SYT16: variants seen among roughly 807,000 people sequenced by gnomAD.
The protein encoded by SYT16 is synaptotagmin 16.
SYT16 carries 42 observed loss-of-function variants against 61.4 expected under a neutral mutation model. The observed-to-expected ratio is 0.68, with a 90% CI of 0.53 to 0.89. SYT16 has a LOEUF of 0.89. Ranked by LOEUF, SYT16 falls within the 40% of genes least tolerant of loss-of-function variation. The pLI, the probability that SYT16 is intolerant of heterozygous loss-of-function variation, is 0.00. For synonymous variants in SYT16, 314 were observed against 302.3 expected (o/e 1.04, Z -0.40); for missense variants, 804 against 807.3 (o/e 1.00, Z 0.05).
intron 1 of SYT16, among the ~76,000 whole-genome samples, chr14:61,949,582 G>T (rs1168809446): frequency 6.6e-6 from 1 of 152,134 alleles, no homozygotes; most frequent in Non-Finnish European, 1.5e-5. Context: ...TCAGCTTCCT[G>T]AGTAGCTGAG....
chr14:61,955,124 T>C (rs999951096), intron 1 of SYT16, among the ~76,000 whole-genome samples: 31 of 152,218 alleles, frequency 2.0e-4, no homozygotes, highest in African/African-American at 7.2e-4. Context: ...TATTGAGGTG[T>C]GATTAACATA....
intron 3 of SYT16, among the ~76,000 whole-genome samples, chr14:62,051,363 A>T (rs1181820948): frequency 1.3e-5 from 2 of 152,212 alleles, no homozygotes; most frequent in African/African-American, 4.8e-5. Flanking sequence ...TCCAGGTGCC[A>T]TCTGTCACCC....
At chr14:62,056,062 T>A (rs1483768285) in intron 3 of SYT16, among the ~76,000 whole-genome samples, 1 of 151,800 alleles carries the variant, frequency 6.6e-6, no homozygotes, top group African/African-American at 2.4e-5. Flanking sequence ...CCTGCTTTTT[T>A]TTTTTTTGCT....
intron 1 of SYT16, among the ~76,000 whole-genome samples, chr14:61,894,619 A>T (rs148474818): frequency 1.3e-5 from 2 of 152,224 alleles, no homozygotes; most frequent in African/African-American, 4.8e-5. Flanking sequence ...GGGCACCCTC[A>T]TTTCAGATTG....
intron 1 of SYT16, among the ~76,000 whole-genome samples, chr14:61,870,232 C>G (rs1215087496): frequency 5.9e-5 from 9 of 152,092 alleles, no homozygotes; most frequent in Non-Finnish European, 8.8e-5. Flanking sequence ...GATATTTTTG[C>G]TAGATATAGA....
chr14:61,864,518 G>A (rs2047071111), intron 1 of SYT16, among the ~76,000 whole-genome samples: 1 of 152,264 alleles, frequency 6.6e-6, no homozygotes, highest in African/African-American at 2.4e-5. Flanking sequence ...TTGGCCTTGT[G>A]GATTATGATG....
In SYT16 at chr14:62,078,155, C is replaced by CTATATATATATA. The variant is rs374965535; in HGVS notation, c.994-2674_994-2663dup. On this transcript the variant is annotated intron_variant, in intron 5 of 7. Coordinates refer to ENST00000683842, the MANE Select transcript of SYT16 (RefSeq NM_001367656.1). ...GCTCTCTCGCTCTCTCTCTCTCTCT[C>CTATATATATATA]TATATATATATATATAAACACACAC... Among the ~76,000 whole-genome samples, 527 of 135,934 alleles carry CTATATATATATA rather than the reference C, an allele frequency of 3.9e-3. 6 individuals are homozygous for CTATATATATATA. Among genetic ancestry groups the CTATATATATATA allele is most frequent in the African/African-American group, 0.014 (480 of 34,762 alleles). 89.2% of individuals were successfully genotyped at this position (135,934 alleles called of 152,430 possible).
intron 1 of SYT16, among the ~76,000 whole-genome samples, chr14:61,849,502 T>C (rs2046546159): frequency 6.6e-6 from 1 of 152,186 alleles, no homozygotes; most frequent in Non-Finnish European, 1.5e-5. Flanking sequence ...TCTGACTGCT[T>C]GGATGGGTGA....
chr14:62,100,168 TG>T (rs2057385003), intron 7 of SYT16, among the ~76,000 whole-genome samples: 1 of 152,216 alleles, frequency 6.6e-6, no homozygotes, highest in Non-Finnish European at 1.5e-5. Flanking sequence ...CAATGTGTGC[TG>T]GATAGTGAGC....
intron 3 of SYT16, among the ~76,000 whole-genome samples, chr14:61,997,326 T>C (rs1195561127): frequency 6.6e-6 from 1 of 151,906 alleles, no homozygotes; most frequent in Non-Finnish European, 1.5e-5. Flanking sequence ...TGGTGTGTAG[T>C]TGTAATGCAC....
chr14:61,984,159 C>G (rs953629050), intron 2 of SYT16, among the ~76,000 whole-genome samples: 2 of 152,134 alleles, frequency 1.3e-5, no homozygotes, highest in Non-Finnish European at 2.9e-5. Context: ...CAAATGCCTC[C>G]ACCCCTTCTG....
chr14:61,909,639 C>T (rs964659195), intron 1 of SYT16, among the ~76,000 whole-genome samples: 2 of 152,054 alleles, frequency 1.3e-5, no homozygotes, highest in Admixed American at 6.5e-5. Context: ...ACCCCTTTTT[C>T]CCAAGTAAGC....
At chr14:61,921,141 CT>C (rs2049320165) in intron 1 of SYT16, among the ~76,000 whole-genome samples, 1 of 152,218 alleles carries the variant, frequency 6.6e-6, no homozygotes, top group African/African-American at 2.4e-5. Flanking sequence ...ACTTCTTCAT[CT>C]TTGTTCCCTC....
intron 3 of SYT16, among the ~76,000 whole-genome samples, chr14:62,056,858 C>T (rs1482782977): frequency 3.3e-5 from 5 of 152,312 alleles, no homozygotes; most frequent in South Asian, 2.1e-4. Context: ...TAGGTTCTGA[C>T]GGCGTCGGAG....
chr14:61,978,028 A>C (rs897704818), intron 2 of SYT16, among the ~76,000 whole-genome samples: 6 of 151,902 alleles, frequency 3.9e-5, no homozygotes, highest in Non-Finnish European at 8.8e-5. Flanking sequence ...TATCATTCCA[A>C]TCTCTGCCTC....
At chr14:62,099,081 T>C (rs998266300) in intron 7 of SYT16, among the ~76,000 whole-genome samples, 1 of 152,112 alleles carries the variant, frequency 6.6e-6, no homozygotes, top group Non-Finnish European at 1.5e-5. Context: ...GCAATGAGAC[T>C]AGAAGATAGG....
chr14:61,830,546 G>A (rs767187265), intron 1 of SYT16, among the ~76,000 whole-genome samples: 5 of 152,116 alleles, frequency 3.3e-5, no homozygotes, highest in Admixed American at 1.3e-4. Context: ...TGTTGACTCC[G>A]GTTGATTTCA....
intron 3 of SYT16, among the ~76,000 whole-genome samples, chr14:62,014,526 TG>T (rs2053588258): frequency 6.6e-6 from 1 of 151,922 alleles, no homozygotes; most frequent in East Asian, 2.0e-4. Flanking sequence ...CTCCACCTCC[TG>T]GGTTCAAGCA....
At chr14:61,925,971 G>A (rs1335801452) in intron 1 of SYT16, among the ~76,000 whole-genome samples, 1 of 151,996 alleles carries the variant, frequency 6.6e-6, no homozygotes, top group Non-Finnish European at 1.5e-5. Flanking sequence ...TGTGAAGGCA[G>A]AGACTTCTTC....
Sources: allele counts gnomAD v4.1 joint callset (sites outside exome capture counted in the v4.1 genomes callset), GRCh38; gene constraint gnomAD v4.1.1; transcripts MANE v1.5; gene names NCBI Gene and HGNC (gene_info 2026-07-23, HGNC 2026-07-21).